DNAH17: variants seen among roughly 807,000 people sequenced by gnomAD.
DNAH17 encodes dynein axonemal heavy chain 17, also known as axonemal beta dynein heavy chain 17.
DNAH17 carries 376 observed loss-of-function variants against 485.6 expected under a neutral mutation model. The observed-to-expected ratio is 0.77, with a 90% CI of 0.71 to 0.84. The LOEUF (loss-of-function observed/expected upper bound fraction) is 0.84, where lower values mean the gene tolerates loss of function less well. Among genes scored for constraint, DNAH17 ranks in the 40% least tolerant of loss-of-function variants. The pLI is 0.00. For missense variants in DNAH17, 6,370 were observed against 5,839.3 expected, an observed-to-expected ratio of 1.09 and a Z score of -2.96; for synonymous variants, 3,031 against 2,405.9, an observed-to-expected ratio of 1.26 and a Z score of -7.60.
rs779626470 is a variant in DNAH17 at position 78,478,987 on chromosome 17, C to T, written c.7992+38G>A. The stretch of plus-strand genomic sequence containing the variant: ...AGCACCTGTGGATCAGGCACTGGAC[C>T]GTAAGGCAGGCATGACATAAAGCTA... On this transcript the variant is annotated intron_variant, in intron 51 of 80. Transcript: ENST00000389840. 2.1e-5 allele frequency: 33 copies of T among 1,585,380 alleles called. No individual in the cohort carries two copies. The Middle Eastern group carries it at 5.0e-4, about 24-fold the overall frequency.
At chr17:78,575,488 A>G (rs898910572) in intron 1 of DNAH17, among the ~76,000 whole-genome samples, 1 of 152,198 alleles carries the variant, frequency 6.6e-6, no homozygotes, top group African/African-American at 2.4e-5. Flanking sequence ...TGGGAAAGCA[A>G]TAAAAGACGT....
chr17:78,572,773 A>T lies in DNAH17; in HGVS notation c.467T>A (p.Ile156Asn). ...AATAGGCAGCAAGGTTTTGCCTTTG[A>T]TCTTGCCACTCATCACAAACATTTC... ...KNEMFVMSGK[I>N]KGKTLLPIPE... Residue 156 changes from isoleucine to asparagine, a missense_variant, in exon 3 of 81, where the codon ATC (isoleucine) becomes AAC (asparagine). Ile to Asn is a moderately radical substitution (Grantham distance 149, BLOSUM62 -3). Coordinates refer to ENST00000389840, the MANE Select transcript of DNAH17 (RefSeq NM_173628.4). 6.2e-7 allele frequency: 1 copy of T among 1,613,560 alleles called. No homozygotes were observed.
chr17:78,482,334 T>C (rs1173185285), intron 48 of DNAH17, among the ~76,000 whole-genome samples: 2 of 152,202 alleles, frequency 1.3e-5, no homozygotes, highest in African/African-American at 2.4e-5. Context: ...CACTTTTGTT[T>C]TTTTCCCCCA....
rs2089963714 is a variant in DNAH17 at position 78,493,884 on chromosome 17, C to T, written c.6408+152G>A. ...TCCCCTCCTCCTCGGCCCCCAGCTTCCTCCCTGGCCCATGACTCAGGCCGG... is the reference window on the plus strand; with the variant it reads ...TCCCCTCCTCCTCGGCCCCCAGCTTTCTCCCTGGCCCATGACTCAGGCCGG... On this transcript the variant is annotated intron_variant, in intron 41 of 80. Coordinates refer to ENST00000389840, the MANE Select transcript of DNAH17 (RefSeq NM_173628.4). The T allele has an allele frequency of 8.1e-5, 92 of 1,135,924 alleles. 3 individuals are homozygous for T. The South Asian group carries it at 1.7e-3, about 21-fold the overall frequency. The allele number at this position is 1,135,924 out of a possible 1,614,324, so 70.4% of individuals were successfully genotyped here.
chr17:78,552,701 G>A lies in DNAH17; in HGVS notation c.2283C>T (p.Gly761=), dbSNP rs752979642. The change falls in exon 15 of 81, where the codon GGC becomes GGT. Residue 761 remains glycine, a synonymous_variant. Transcript: ENST00000389840. ...LSAETTLFWN[G]EGVFQYIQEV... is the part of the protein sequence containing the mutation. The stretch of plus-strand genomic sequence containing the variant: ...GGAGGAATGTGGCCTCCGTACCTTC[G>A]CCATTCCAGAATAATGTCGTTTCAG... 38 of 1,612,548 alleles carry A rather than the reference G, an allele frequency of 2.4e-5. No individual in the cohort carries two copies. The highest frequency in any genetic ancestry group is 1.6e-4 in the Middle Eastern group (1 of 6,084).
intron 16 of DNAH17, among the ~76,000 whole-genome samples, chr17:78,544,534 G>A (rs1243863139): frequency 1.3e-5 from 2 of 152,204 alleles, no homozygotes; most frequent in African/African-American, 2.4e-5. Context: ...CGGGCGCGGT[G>A]GCCCATGCCT....
At chr17:78,453,971 G>C (rs1340589731) in intron 64 of DNAH17, among the ~76,000 whole-genome samples, 1 of 152,038 alleles carries the variant, frequency 6.6e-6, no homozygotes, top group African/African-American at 2.4e-5. Context: ...GCCTCCCAGA[G>C]TGCTGAGATT....
At chr17:78,563,480 G>GAA (rs998101444) in intron 11 of DNAH17, among the ~76,000 whole-genome samples, 17 of 146,698 alleles carry the variant, frequency 1.2e-4, no homozygotes, top group African/African-American at 4.0e-4. Flanking sequence ...CAGAAAAATA[G>GAA]AAAAAAACCC....
At chr17:78,428,137 C>T (rs115793642) in intron 77 of DNAH17, among the ~76,000 whole-genome samples, 23,744 of 152,166 alleles carry the variant, frequency 0.16, 1,969 homozygotes, top group Middle Eastern at 0.2. Flanking sequence ...CCTGCCTGCA[C>T]ATCCGGCTGC....
chr17:78,539,832 C>A lies in DNAH17; in HGVS notation c.2581G>T (p.Asp861Tyr). The part of the protein sequence containing the change: ...RADTLSLPWK[D>Y]YVIYIDDMVL... ...ATGTCGTCAATGTAGATGACATAAT[C>A]CTTCCAGGGCAGGCTCAGTGTGTCT... Residue 861 changes from aspartate (D) to tyrosine (Y), a missense_variant, in exon 18 of 81, where the codon GAT becomes TAT. By Grantham distance (160) the Asp-to-Tyr change is radical (BLOSUM62 -3). Coordinates refer to ENST00000389840, the MANE Select transcript of DNAH17 (RefSeq NM_173628.4). 6.2e-7 allele frequency: 1 copy of A among 1,611,270 alleles called. No homozygotes were observed. Among genetic ancestry groups the A allele is most frequent in the South Asian group, 1.1e-5 (1 of 90,646 alleles).
At chr17:78,426,103 G>A (rs1376747982) in intron 79 of DNAH17, among the ~76,000 whole-genome samples, 4 of 152,222 alleles carry the variant, frequency 2.6e-5, no homozygotes, top group Non-Finnish European at 4.4e-5. Context: ...GGTAGAGAAG[G>A]GTCAGGAAGA....
At chr17:78,500,709 A>C (rs998312822) in intron 35 of DNAH17, 7 of 296,108 alleles carry the variant, frequency 2.4e-5, no homozygotes, top group African/African-American at 1.5e-4. Flanking sequence ...AGGTTTTGCT[A>C]TGTTGGCCAG....
rs1272744501 is a variant in DNAH17, at chr17:78,571,052, A to G, written c.833-19T>C. The stretch of plus-strand genomic sequence containing the variant: ...TTCAGCCCTGCACGGAACAAGAACA[A>G]GTGCCCACCGGTAAGAGAGCAGAAA... On this transcript the variant is annotated intron_variant, in intron 5 of 80. Transcript: ENST00000389840. The G allele has an allele frequency of 6.4e-7, 1 of 1,559,544 alleles. No individual in the cohort carries two copies. The highest frequency in any genetic ancestry group is 1.2e-5 in the South Asian group (1 of 84,654).
At position 78,423,925 on chromosome 17, in the gene DNAH17, G is replaced by A. The variant is rs570803591; in HGVS notation, c.13370C>T (p.Ala4457Val). The A allele has an allele frequency of 2.4e-5, 39 of 1,613,850 alleles. No individual in the cohort carries two copies. The highest frequency in any genetic ancestry group is 4.0e-5 in the African/African-American group (3 of 74,930). The change falls in exon 81 of 81, where the codon GCG (alanine) becomes GTG (valine). Residue 4457 changes from alanine (A) to valine (V), a missense_variant. By Grantham distance (64) the Ala-to-Val change is moderately conservative. Transcript: ENST00000389840. ...AGCGAGCTAAACCTGTAGGAGCAGCGCCACGGCTGCCAGGATCCACTTCGC... is the reference window on the plus strand; with the variant it reads ...AGCGAGCTAAACCTGTAGGAGCAGCACCACGGCTGCCAGGATCCACTTCGC... Reference protein sequence around the residue: ...KAAKWILAAVALLLQV With the variant: ...KAAKWILAAVVLLLQV
chr17:78,548,100 T>G (rs1178008787), intron 16 of DNAH17, among the ~76,000 whole-genome samples: 1 of 152,158 alleles, frequency 6.6e-6, no homozygotes, highest in Non-Finnish European at 1.5e-5. Flanking sequence ...TTAATTCTGC[T>G]TTTGCAGTTT....
intron 51 of DNAH17, among the ~76,000 whole-genome samples, chr17:78,477,828 C>T (rs944486420): frequency 2.6e-4 from 40 of 152,306 alleles, no homozygotes; most frequent in African/African-American, 9.4e-4. Context: ...CAATCTCTGA[C>T]TCAGAGTAAG....
intron 3 of DNAH17, among the ~76,000 whole-genome samples, chr17:78,572,213 T>C (rs1568275604): frequency 6.6e-6 from 1 of 151,876 alleles, no homozygotes; most frequent in Non-Finnish European, 1.5e-5. Flanking sequence ...TTGCAAATTG[T>C]GGCAAGGCAG....
At chr17:78,491,701 C>T (rs994963253) in intron 42 of DNAH17, 131 bp from the exon 43 acceptor site, 14 of 1,402,590 alleles carry the variant, frequency 1.0e-5, no homozygotes, top group Non-Finnish European at 9.4e-6. Context: ...CAGAGGCCCT[C>T]GGGCATGAGG....
intron 25 of DNAH17, among the ~76,000 whole-genome samples, chr17:78,521,220 A>T (rs2090924707): frequency 6.6e-6 from 1 of 152,338 alleles, no homozygotes; most frequent in Admixed American, 6.5e-5. Context: ...AGCCTGGCCA[A>T]CATGGCGAAA....
Sources: gnomAD v4.1 joint callset for allele counts (sites outside exome capture counted in the v4.1 genomes callset) on GRCh38, gnomAD v4.1.1 for gene constraint, MANE v1.5 for transcripts, NCBI Gene and HGNC (gene_info 2026-07-23, HGNC 2026-07-21) for gene names.